Variants in DPYD observed in about 807,000 individuals in gnomAD.
The protein encoded by DPYD is dihydropyrimidine dehydrogenase [NADP(+)].
Under a neutral mutation model 116.2 loss-of-function variants are expected in DPYD, and 109 were observed. That is an observed-to-expected ratio of 0.94 (90% CI 0.80 to 1.10). DPYD has a LOEUF of 1.10. DPYD is among the 50% of genes least tolerant of loss of function. The pLI, the probability that DPYD is intolerant of heterozygous loss-of-function variation, is 0.00. For missense variants in DPYD, 1,302 were observed against 1,254.5 expected, an observed-to-expected ratio of 1.04 and a Z score of -0.57; for synonymous variants, 440 against 432.0, an observed-to-expected ratio of 1.02 and a Z score of -0.23.
intron 15 of DPYD, among the ~76,000 whole-genome samples, chr1:97,378,783 G>A (rs928676042): frequency 3.3e-5 from 5 of 152,088 alleles, no homozygotes; most frequent in Non-Finnish European, 7.4e-5. Context: ...CAAGGGTCTC[G>A]ACCCCCACGG....
intron 8 of DPYD, among the ~76,000 whole-genome samples, chr1:97,624,367 A>C (rs1047518721): frequency 2.6e-5 from 4 of 152,072 alleles, no homozygotes; most frequent in Non-Finnish European, 4.4e-5. Flanking sequence ...AATATATGAA[A>C]ATTATCCTCA....
chr1:97,326,899 C>T (rs949484269), intron 16 of DPYD, among the ~76,000 whole-genome samples: 1 of 151,886 alleles, frequency 6.6e-6, no homozygotes, highest in Non-Finnish European at 1.5e-5. Flanking sequence ...ACAGTTCTCA[C>T]AATTAGAACT....
intron 14 of DPYD, among the ~76,000 whole-genome samples, chr1:97,447,296 C>T (rs1676141779): frequency 6.6e-6 from 1 of 152,158 alleles, no homozygotes; most frequent in East Asian, 1.9e-4. Flanking sequence ...TGAAAAAACT[C>T]CAGCAAGAGT....
At chr1:97,224,072 T>C (rs1660955530) in intron 19 of DPYD, among the ~76,000 whole-genome samples, 1 of 152,050 alleles carries the variant, frequency 6.6e-6, no homozygotes, top group Non-Finnish European at 1.5e-5. Context: ...TATTTCTAAT[T>C]TGCATATTCT....
At chr1:97,577,341 C>G (rs1653333433) in intron 10 of DPYD, among the ~76,000 whole-genome samples, 1 of 152,192 alleles carries the variant, frequency 6.6e-6, no homozygotes, top group African/African-American at 2.4e-5. Flanking sequence ...CTGGACTGGT[C>G]CTGCTGACCC....
intron 10 of DPYD, among the ~76,000 whole-genome samples, chr1:97,587,076 G>T (rs1654178582): frequency 1.3e-5 from 2 of 152,120 alleles, no homozygotes; most frequent in African/African-American, 4.8e-5. Flanking sequence ...AGAACCAAGT[G>T]CTCCAACTGT....
chr1:97,614,289 G>A (rs1656133967), intron 8 of DPYD, among the ~76,000 whole-genome samples: 1 of 152,022 alleles, frequency 6.6e-6, no homozygotes, highest in African/African-American at 2.4e-5. Context: ...TTAGAGACTT[G>A]AGCTAGAAGA....
At chr1:97,524,537 A>G (rs1018183533) in intron 12 of DPYD, among the ~76,000 whole-genome samples, 2 of 152,210 alleles carry the variant, frequency 1.3e-5, no homozygotes, top group African/African-American at 2.4e-5. Context: ...AGAACTAGTC[A>G]TGGTCTAAGA....
chr1:97,882,206 G>C (rs1326561922), intron 2 of DPYD, among the ~76,000 whole-genome samples: 2 of 151,762 alleles, frequency 1.3e-5, no homozygotes, highest in African/African-American at 4.8e-5. Flanking sequence ...CCCAAAACTG[G>C]AACAAGAAAA....
intron 3 of DPYD, among the ~76,000 whole-genome samples, chr1:97,818,764 G>A (rs936703775): frequency 2.0e-5 from 3 of 151,886 alleles, no homozygotes; most frequent in Non-Finnish European, 2.9e-5. Context: ...GTGTATCCGT[G>A]TGTGTGCATG....
chr1:97,724,350 GTGTGTGTGTGTGTGTATGAGAT>G (rs1663112740), intron 4 of DPYD, among the ~76,000 whole-genome samples: 1 of 107,620 alleles, frequency 9.3e-6, no homozygotes, highest in African/African-American at 3.3e-5. Flanking sequence ...GTGTGTGTGT[GTGTGTGTGTGTGTGTATGAGAT>G]TTATTATAGG....
At chr1:97,538,808 T>C (rs1650207084) in intron 12 of DPYD, among the ~76,000 whole-genome samples, 1 of 152,326 alleles carries the variant, frequency 6.6e-6, no homozygotes, top group Admixed American at 6.5e-5. Flanking sequence ...AGATTCAGTA[T>C]CATTCCAGAA....
intron 8 of DPYD, among the ~76,000 whole-genome samples, chr1:97,645,493 T>C (rs555140901): frequency 5.3e-5 from 8 of 152,098 alleles, no homozygotes; most frequent in Non-Finnish European, 4.4e-5. Flanking sequence ...ATGTAAGAAA[T>C]AACTTGTCTT....
At chr1:97,291,808 G>C (rs1447012521) in intron 18 of DPYD, among the ~76,000 whole-genome samples, 1 of 151,998 alleles carries the variant, frequency 6.6e-6, no homozygotes, top group East Asian at 1.9e-4. Context: ...TGCACATTGT[G>C]CACATGTACC....
At chr1:97,881,571 T>C (rs1333386582) in intron 2 of DPYD, among the ~76,000 whole-genome samples, 1 of 152,062 alleles carries the variant, frequency 6.6e-6, no homozygotes, top group African/African-American at 2.4e-5. Context: ...GTACCTTGGT[T>C]ATTATTTTTA....
chr1:97,686,630 C>G (rs1486661089), intron 7 of DPYD, among the ~76,000 whole-genome samples: 2 of 86,618 alleles, frequency 2.3e-5, no homozygotes, highest in Admixed American at 1.8e-4. Flanking sequence ...GAGCGAGACT[C>G]TGTCTCAAAA....
intron 14 of DPYD, among the ~76,000 whole-genome samples, chr1:97,412,068 C>T (rs1043805944): frequency 3.9e-5 from 6 of 152,072 alleles, no homozygotes; most frequent in Non-Finnish European, 7.4e-5. Flanking sequence ...TTAAGCATAC[C>T]GGGAGGAAAA....
intron 8 of DPYD, among the ~76,000 whole-genome samples, chr1:97,675,206 C>G (rs1186304979): frequency 6.6e-6 from 1 of 152,058 alleles, no homozygotes; most frequent in Non-Finnish European, 1.5e-5. Context: ...AATTTCAATA[C>G]CAAACAAAGA....
At chr1:97,153,263 A>G (rs1655166683) in intron 20 of DPYD, among the ~76,000 whole-genome samples, 1 of 152,146 alleles carries the variant, frequency 6.6e-6, no homozygotes, top group South Asian at 2.1e-4. Flanking sequence ...AGATGGGGAA[A>G]AAGAGAATAA....
Sources: allele counts gnomAD v4.1 joint callset (sites outside exome capture counted in the v4.1 genomes callset), GRCh38; gene constraint gnomAD v4.1.1; transcripts MANE v1.5; gene names NCBI Gene and HGNC (gene_info 2026-07-23, HGNC 2026-07-21).